Variants in MLLT3 observed in about 807,000 individuals in gnomAD.
MLLT3 encodes MLLT3 super elongation complex subunit.
MLLT3 carries 4 observed loss-of-function variants against 53.2 expected under a neutral mutation model. That is an observed-to-expected ratio of 0.08 (90% CI 0.04 to 0.17). The LOEUF (loss-of-function observed/expected upper bound fraction) is 0.17. MLLT3 is among the 10% of genes least tolerant of loss of function. The pLI is 1.00. For missense variants in MLLT3, 569 were observed against 684.0 expected, an observed-to-expected ratio of 0.83 and a Z score of 1.87; for synonymous variants, 283 against 230.6, an observed-to-expected ratio of 1.23 and a Z score of -2.06.
intron 2 of MLLT3, among the ~76,000 whole-genome samples, chr9:20,535,622 C>T (rs1818461779): frequency 6.6e-6 from 1 of 152,236 alleles, no homozygotes; most frequent in Non-Finnish European, 1.5e-5. Flanking sequence ...TCTATTCGCT[C>T]AGCAGGAAGA....
At chr9:20,452,597 A>G (rs1348978190) in intron 3 of MLLT3, among the ~76,000 whole-genome samples, 1 of 152,234 alleles carries the variant, frequency 6.6e-6, no homozygotes, top group Non-Finnish European at 1.5e-5. Flanking sequence ...TATAAACTCC[A>G]GGGATAAATA....
At chr9:20,603,750 C>T (rs1820495689) in intron 2 of MLLT3, among the ~76,000 whole-genome samples, 1 of 152,002 alleles carries the variant, frequency 6.6e-6, no homozygotes. Context: ...TTGTGCTCTT[C>T]TACTCCTCGT....
At chr9:20,379,599 A>T (rs1821857506) in intron 5 of MLLT3, among the ~76,000 whole-genome samples, 1 of 152,096 alleles carries the variant, frequency 6.6e-6, no homozygotes, top group Admixed American at 6.6e-5. Flanking sequence ...TATTTACTTA[A>T]TTTTTCCCCT....
chr9:20,544,760 A>G (rs547606833), intron 2 of MLLT3, among the ~76,000 whole-genome samples: 1 of 152,328 alleles, frequency 6.6e-6, no homozygotes, highest in South Asian at 2.1e-4. Flanking sequence ...TGCAATCAGT[A>G]TCTCAAATAA....
intron 2 of MLLT3, among the ~76,000 whole-genome samples, chr9:20,601,901 C>A (rs1240599879): frequency 1.1e-4 from 16 of 152,196 alleles, no homozygotes; most frequent in African/African-American, 3.9e-4. Flanking sequence ...AGTCATAAAA[C>A]AATTACTGCT....
At chr9:20,438,395 T>A (rs1434973551) in intron 4 of MLLT3, among the ~76,000 whole-genome samples, 4 of 151,572 alleles carry the variant, frequency 2.6e-5, no homozygotes, top group Non-Finnish European at 5.9e-5. Flanking sequence ...TGTTATAGAG[T>A]GGGGAGAGGT....
chr9:20,366,567 T>G (rs1411968913), intron 5 of MLLT3, among the ~76,000 whole-genome samples: 1 of 152,218 alleles, frequency 6.6e-6, no homozygotes, highest in Admixed American at 6.5e-5. Flanking sequence ...CCCCATAATG[T>G]GATTGCTGGG....
intron 4 of MLLT3, among the ~76,000 whole-genome samples, chr9:20,428,266 T>A (rs1289794325): frequency 6.6e-6 from 1 of 152,010 alleles, no homozygotes; most frequent in East Asian, 1.9e-4. Context: ...TAATCAAAAC[T>A]TTATAGATTA....
chr9:20,449,375 C>T (rs1287463953), intron 3 of MLLT3, among the ~76,000 whole-genome samples: 1 of 152,108 alleles, frequency 6.6e-6, no homozygotes, highest in Admixed American at 6.6e-5. Flanking sequence ...CAAAAGAATA[C>T]AATAATTAGA....
At chr9:20,358,346 T>G (rs972727451) in intron 8 of MLLT3, among the ~76,000 whole-genome samples, 1 of 152,168 alleles carries the variant, frequency 6.6e-6, no homozygotes, top group Non-Finnish European at 1.5e-5. Flanking sequence ...CGGACTTTCT[T>G]ACCATGCTTA....
At chr9:20,592,381 A>G (rs1247870382) in intron 2 of MLLT3, among the ~76,000 whole-genome samples, 1 of 152,218 alleles carries the variant, frequency 6.6e-6, no homozygotes, top group Non-Finnish European at 1.5e-5. Context: ...CAAGATGAAG[A>G]TATCAGCAGG....
intron 2 of MLLT3, among the ~76,000 whole-genome samples, chr9:20,479,430 G>T (rs899608763): frequency 2.0e-5 from 3 of 152,090 alleles, no homozygotes; most frequent in African/African-American, 7.2e-5. Flanking sequence ...AGGGAAAATG[G>T]GTGATTTCCT....
In MLLT3 at chr9:20,345,370, C is replaced by T. The variant is rs1205967892; in HGVS notation, c.*1073G>A. On this transcript the variant is annotated 3_prime_UTR_variant, in exon 11 of 11. Transcript: ENST00000380338. ...GTGAACAAACAAAAATCTCTGATTC[C>T]AGATTTTTAGGATAAAGATGAGTAA... The T allele has an allele frequency of 4.7e-6, 1 of 211,356 alleles. No individual in the cohort carries two copies. The highest frequency in any genetic ancestry group is 7.1e-5 in the East Asian group (1 of 14,034). 13.1% of individuals were successfully genotyped at this position (211,356 alleles called of 1,614,324 possible).
intron 5 of MLLT3, among the ~76,000 whole-genome samples, chr9:20,378,822 C>T (rs1490789136): frequency 6.6e-6 from 1 of 152,028 alleles, no homozygotes; most frequent in Non-Finnish European, 1.5e-5. Flanking sequence ...GCTACATTTA[C>T]AAGACAGCCC....
Position 20,621,686 on chromosome 9 carries a change from C to T in MLLT3, c.12+559G>A. ...GAGCCTCGGCTCGCGCTCAGCACCT[C>T]CCGGCGCTGGGGCAAAGTTGCGTGC... On this transcript the variant is annotated intron_variant, in intron 1 of 10. Coordinates refer to ENST00000380338, the MANE Select transcript of MLLT3 (RefSeq NM_004529.4). The surrounding 1 kb of genome is among the most constrained non-coding windows in gnomAD (Gnocchi z 7.0). 2.9e-6 allele frequency: 4 copies of T among 1,361,928 alleles called. No individual in the cohort carries two copies. In the South Asian group the frequency reaches 5.4e-5, roughly 18 times the overall value. 84.4% of individuals were successfully genotyped at this position (1,361,928 alleles called of 1,614,324 possible).
At chr9:20,360,288 C>G (rs1384462595) in intron 8 of MLLT3, among the ~76,000 whole-genome samples, 1 of 152,080 alleles carries the variant, frequency 6.6e-6, no homozygotes, top group Non-Finnish European at 1.5e-5. Context: ...TCCCAATAAC[C>G]TAAAAGATAG....
At chr9:20,412,887 T>C (rs1438201426) in intron 5 of MLLT3, among the ~76,000 whole-genome samples, 2 of 152,246 alleles carry the variant, frequency 1.3e-5, no homozygotes, top group African/African-American at 4.8e-5. Context: ...TAAGGTTTAC[T>C]ACAGAGGTTA....
At chr9:20,622,111 G>A in intron 1 of MLLT3, 134 bp downstream of exon 1, 2 of 1,068,186 alleles carry the variant, frequency 1.9e-6, no homozygotes, top group Admixed American at 2.7e-5. Context: ...GGGAGAGGCG[G>A]CAGCTCCCTG....
At chr9:20,366,498 T>TA (rs1821455634) in intron 5 of MLLT3, among the ~76,000 whole-genome samples, 1 of 152,232 alleles carries the variant, frequency 6.6e-6, no homozygotes, top group African/African-American at 2.4e-5. Context: ...AGTGCCACAA[T>TA]AAACATACGT....
Sources: allele counts gnomAD v4.1 joint callset (sites outside exome capture counted in the v4.1 genomes callset), GRCh38; gene constraint gnomAD v4.1.1; non-coding constraint Gnocchi (gnomAD v3.1); transcripts MANE v1.5; gene names NCBI Gene and HGNC (gene_info 2026-07-23, HGNC 2026-07-21).